The following PERP variants were observed in gnomAD, a reference collection of about 807,000 sequenced individuals.
The protein encoded by PERP is p53 apoptosis effector related to PMP-22.
PERP carries 11 observed loss-of-function variants against 20.3 expected under a neutral mutation model. The ratio of observed to expected loss-of-function variants is 0.54; its 90% confidence interval spans 0.34 to 0.90. The LOEUF (loss-of-function observed/expected upper bound fraction) is 0.90, where lower values mean the gene tolerates loss of function less well. PERP is among the 40% of genes least tolerant of loss of function. The pLI is 0.02. For synonymous variants in PERP, 101 were observed against 102.0 expected, an observed-to-expected ratio of 0.99 and a Z score of 0.06; for missense variants, 224 against 249.4, an observed-to-expected ratio of 0.90 and a Z score of 0.69.
In PERP at chr6:138,106,903, C is replaced by CTTTTTTTT. The variant is rs577977770; in HGVS notation, c.214+216_214+223dup. On this transcript the variant is annotated intron_variant, in intron 1 of 2. Coordinates refer to ENST00000421351, the MANE Select transcript of PERP (RefSeq NM_022121.5). ...AAAACTATACAGTTTGAACTACGGCCTTTTTTTTTTTTCTGTTTCTGAGCT... is the reference window on the plus strand; with the variant it reads ...AAAACTATACAGTTTGAACTACGGCCTTTTTTTTTTTTTTTTTTTTCTGTTTCTGAGCT... 9.4e-4 allele frequency among the ~76,000 whole-genome samples: 126 copies of CTTTTTTTT among 134,404 alleles called. 5 individuals are homozygous for CTTTTTTTT. Among genetic ancestry groups the CTTTTTTTT allele is most frequent in the Admixed American group, 2.8e-3 (36 of 13,074 alleles). 88.2% of individuals were successfully genotyped at this position (134,404 alleles called of 152,430 possible). A position where few individuals can be genotyped will look rare whatever the true frequency, so the allele number is the denominator to read the frequency against.
At chr6:138,101,451 T>A (rs1410666093) in intron 1 of PERP, among the ~76,000 whole-genome samples, 1 of 152,236 alleles carries the variant, frequency 6.6e-6, no homozygotes, top group Admixed American at 6.5e-5. Context: ...AAGAACATCA[T>A]TAATATTTTT....
intron 1 of PERP, among the ~76,000 whole-genome samples, chr6:138,099,679 G>A (rs549550657): frequency 6.6e-6 from 1 of 151,968 alleles, no homozygotes; most frequent in Non-Finnish European, 1.5e-5. Flanking sequence ...ACCTATTTGA[G>A]GAAAATTAAC....
chr6:138,103,936 G>A (rs1253468799), intron 1 of PERP, among the ~76,000 whole-genome samples: 1 of 152,200 alleles, frequency 6.6e-6, no homozygotes, highest in African/African-American at 2.4e-5. Context: ...TGCAAAGGGT[G>A]TCTTTGGTTA....
In PERP at chr6:138,095,525, C is replaced by G. The variant is rs182174415; in HGVS notation, c.355+829G>C. ...CTCACTTTGTATTTGTACCTCGGGTCTGTAGCTTGAATTTCTGCTTTGGTC... is the reference window on the plus strand; with the variant it reads ...CTCACTTTGTATTTGTACCTCGGGTGTGTAGCTTGAATTTCTGCTTTGGTC... On this transcript the variant is annotated intron_variant, in intron 2 of 2. Transcript: ENST00000421351. Among the ~76,000 whole-genome samples, 196 of 152,296 alleles carry G rather than the reference C, an allele frequency of 1.3e-3. 1 individual carries two copies. The highest frequency in any genetic ancestry group is 4.6e-3 in the African/African-American group (193 of 41,564).
rs915644602 is a variant in PERP at position 138,089,611 on chromosome 6, C to T, written c.*2431G>A. ...TTACTGTGGGAAATCTCATGCAATGCACTGTTAGCCTTCAGGTGGTTTCTC... is the reference window on the plus strand; with the variant it reads ...TTACTGTGGGAAATCTCATGCAATGTACTGTTAGCCTTCAGGTGGTTTCTC... On this transcript the variant is annotated 3_prime_UTR_variant, in exon 3 of 3. Coordinates refer to ENST00000421351, the MANE Select transcript of PERP (RefSeq NM_022121.5). The T allele has an allele frequency of 6.6e-6, 1 of 152,168 alleles. No homozygotes were observed. Among genetic ancestry groups the T allele is most frequent in the African/African-American group, 2.4e-5 (1 of 41,426 alleles). 9.4% of individuals were successfully genotyped at this position (152,168 alleles called of 1,614,324 possible).
At chr6:138,105,368 G>A (rs554665909) in intron 1 of PERP, among the ~76,000 whole-genome samples, 5 of 152,054 alleles carry the variant, frequency 3.3e-5, no homozygotes, top group African/African-American at 7.2e-5. Context: ...TTAACATTTA[G>A]ACTTCTAATT....
intron 1 of PERP, among the ~76,000 whole-genome samples, chr6:138,097,385 T>C (rs890608924): frequency 2.6e-5 from 4 of 152,226 alleles, no homozygotes; most frequent in Non-Finnish European, 5.9e-5. Flanking sequence ...ACCTTTCCTC[T>C]AGTGGTAACA....
At chr6:138,099,943 A>G (rs1169802490) in intron 1 of PERP, among the ~76,000 whole-genome samples, 1 of 152,188 alleles carries the variant, frequency 6.6e-6, no homozygotes, top group Admixed American at 6.5e-5. Flanking sequence ...ATTAAACCAC[A>G]TTTTGTCTTG....
intron 1 of PERP, 82 bp from the exon 2 acceptor site, chr6:138,096,576 T>G (rs1775698900): frequency 4.8e-6 from 7 of 1,452,118 alleles, no homozygotes; most frequent in South Asian, 4.4e-5. Context: ...AACATGGTTT[T>G]GGGCTTTTTT....
chr6:138,098,933 T>C (rs138281505), intron 1 of PERP, among the ~76,000 whole-genome samples: 1 of 152,186 alleles, frequency 6.6e-6, no homozygotes, highest in African/African-American at 2.4e-5. Context: ...TGTTTTATTT[T>C]AAAATAGAAA....
chr6:138,104,897 G>A (rs1775821329), intron 1 of PERP, among the ~76,000 whole-genome samples: 1 of 150,668 alleles, frequency 6.6e-6, no homozygotes, highest in Admixed American at 6.6e-5. Context: ...TGAAAATCCA[G>A]AGTTCATAGA....
At chr6:138,098,215 G>A (rs1775725129) in intron 1 of PERP, among the ~76,000 whole-genome samples, 1 of 152,188 alleles carries the variant, frequency 6.6e-6, no homozygotes, top group Non-Finnish European at 1.5e-5. Context: ...TGAGTCACCT[G>A]TCCTCCATCT....
chr6:138,089,280 A>AT lies in PERP; in HGVS notation c.*2761_*2762insA, dbSNP rs928339825. 3 of 151,664 alleles carry AT rather than the reference A, an allele frequency of 2.0e-5. No homozygotes were observed. Among genetic ancestry groups the AT allele is most frequent in the African/African-American group, 7.3e-5 (3 of 41,280 alleles). 9.4% of individuals were successfully genotyped at this position (151,664 alleles called of 1,614,324 possible). On this transcript the variant is annotated 3_prime_UTR_variant, in exon 3 of 3. Coordinates refer to ENST00000421351, the MANE Select transcript of PERP (RefSeq NM_022121.5). The stretch of plus-strand genomic sequence containing the variant: ...CTTTCAGGGGGAGTTTACAGAAAAA[A>AT]AAAATAAACCGAATTAAGTTATGAT...
At chr6:138,102,989 C>T (rs1775795848) in intron 1 of PERP, among the ~76,000 whole-genome samples, 1 of 151,588 alleles carries the variant, frequency 6.6e-6, no homozygotes, top group Non-Finnish European at 1.5e-5. Flanking sequence ...GTCCGAGCTA[C>T]TCGGGAGGCT....
chr6:138,092,456 T>C lies in PERP; in HGVS notation c.356-188A>G, dbSNP rs567196924. On this transcript the variant is annotated intron_variant, in intron 2 of 2. Coordinates refer to ENST00000421351, the MANE Select transcript of PERP (RefSeq NM_022121.5). Reference sequence around the variant, plus strand: ...ATTCTTGACTACTGTGTGTAAGAGATGCCTGGCACTGAGCAGCATCACACA... The same window carrying C: ...ATTCTTGACTACTGTGTGTAAGAGACGCCTGGCACTGAGCAGCATCACACA... 2.1e-4 allele frequency among the ~76,000 whole-genome samples: 32 copies of C among 152,342 alleles called. 1 individual carries two copies. Among genetic ancestry groups the C allele is most frequent in the African/African-American group, 7.2e-4 (30 of 41,590 alleles).
Position 138,091,968 on chromosome 6 carries a change from T to A in PERP, c.*74A>T. The A allele has an allele frequency of 1.4e-6, 2 of 1,414,724 alleles. No homozygotes were observed. Among genetic ancestry groups the A allele is most frequent in the Non-Finnish European group, 1.9e-6 (2 of 1,036,018 alleles). 87.6% of individuals were successfully genotyped at this position (1,414,724 alleles called of 1,614,324 possible). Reference sequence around the variant, plus strand: ...ACACTGCCAAAAAATGGGTTCAAAGTCGCCTGGAGAAACAGTTTCTTCTTC... The same window carrying A: ...ACACTGCCAAAAAATGGGTTCAAAGACGCCTGGAGAAACAGTTTCTTCTTC... On this transcript the variant is annotated 3_prime_UTR_variant, in exon 3 of 3. Coordinates refer to ENST00000421351, the MANE Select transcript of PERP (RefSeq NM_022121.5).
At chr6:138,100,163 C>T (rs533069770) in intron 1 of PERP, among the ~76,000 whole-genome samples, 1 of 152,318 alleles carries the variant, frequency 6.6e-6, no homozygotes, top group Admixed American at 6.5e-5. Context: ...GCAGGGTCCT[C>T]CCAGCCCACC....
Position 138,107,218 on chromosome 6 carries a change from G to A in PERP, c.123C>T (p.His41=), listed in dbSNP as rs370505601. ...TCCACCACAGCGAGGACGTCTGGCC[G>A]TGGTCGCTAGACTGCAACCAGCCGC... The part of the protein sequence containing the change: ...AGRGWLQSSD[H]GQTSSLWWKC... The change falls in exon 1 of 3, where the codon CAC becomes CAT. Residue 41 remains histidine, a synonymous_variant. Coordinates refer to ENST00000421351, the MANE Select transcript of PERP (RefSeq NM_022121.5). This position sits in a 1 kb window ranked among gnomAD's most constrained non-coding sequence, Gnocchi z 4.8. 7 of 1,612,276 alleles carry A rather than the reference G, an allele frequency of 4.3e-6. No homozygotes were observed. The highest frequency in any genetic ancestry group is 1.7e-5 in the Admixed American group (1 of 59,994).
At chr6:138,098,016 A>C (rs948953416) in intron 1 of PERP, among the ~76,000 whole-genome samples, 1 of 152,088 alleles carries the variant, frequency 6.6e-6, no homozygotes, top group Non-Finnish European at 1.5e-5. Flanking sequence ...GCCTTTTGTG[A>C]CTGGCTTCTT....
Sources: allele counts gnomAD v4.1 joint callset (sites outside exome capture counted in the v4.1 genomes callset), GRCh38; gene constraint gnomAD v4.1.1; non-coding constraint Gnocchi (gnomAD v3.1); transcripts MANE v1.5; gene names NCBI Gene and HGNC (gene_info 2026-07-23, HGNC 2026-07-21).